Variants in LAMA2 observed in about 807,000 individuals in gnomAD.
The protein encoded by LAMA2 is laminin subunit alpha-2.
LAMA2 carries 269 observed loss-of-function variants against 364.8 expected under a neutral mutation model. The ratio of observed to expected loss-of-function variants is 0.74; its 90% confidence interval spans 0.67 to 0.82. The LOEUF (loss-of-function observed/expected upper bound fraction) is 0.82. LAMA2 is among the 40% of genes least tolerant of loss of function. The probability of loss-of-function intolerance (pLI) is 0.00; values close to 1 mark genes in which losing one functional copy is unlikely to be tolerated. For missense variants in LAMA2, 3,807 were observed against 3,873.2 expected, an observed-to-expected ratio of 0.98 and a Z score of 0.45; for synonymous variants, 1,379 against 1,370.6, an observed-to-expected ratio of 1.01 and a Z score of -0.14.
chr6:129,314,945 C>A, intron 24 of LAMA2, 147 bp downstream of exon 24: 1 of 786,328 alleles, frequency 1.3e-6, no homozygotes, highest in Non-Finnish European at 2.2e-6. Flanking sequence ...AAAGGGGTCA[C>A]GTGCCATTAG....
chr6:129,340,012 A>C (rs909953512), intron 29 of LAMA2, among the ~76,000 whole-genome samples: 2 of 151,604 alleles, frequency 1.3e-5, no homozygotes, highest in Non-Finnish European at 2.9e-5. Flanking sequence ...AAAAAAAAAA[A>C]AGAAAGAAAG....
In LAMA2 at chr6:129,309,902, A is replaced by ATTTTTTTTTTTTTTTTTT. The variant is rs993652081; in HGVS notation, c.3175-2944_3175-2943insTTTTTTTTTTTTTTTTTT. On this transcript the variant is annotated intron_variant, in intron 22 of 64. Transcript: ENST00000421865. ...AGAAATAAAGCTAATCCTGATAATC[A>ATTTTTTTTTTTTTTTTTT]TTTTTTTTTTTTTTTGAGACGGAGT... 5.2e-4 allele frequency among the ~76,000 whole-genome samples: 70 copies of ATTTTTTTTTTTTTTTTTT among 135,750 alleles called. 3 individuals are homozygous for ATTTTTTTTTTTTTTTTTT. Among genetic ancestry groups the ATTTTTTTTTTTTTTTTTT allele is most frequent in the African/African-American group, 2.0e-3 (70 of 35,366 alleles). The allele number at this position is 135,750 out of a possible 152,430, so 89.1% of individuals were successfully genotyped here. A position where few individuals can be genotyped will look rare whatever the true frequency, so the allele number is the denominator to read the frequency against.
rs1465387235 is a variant in LAMA2, at chr6:129,507,348, C to A, written c.8704-141C>A. ...CAGGAGGCCTGGTGGTAACAGAGAACCCAGGCAGCTTTGGGGGATATCCCA... is the reference window on the plus strand; with the variant it reads ...CAGGAGGCCTGGTGGTAACAGAGAAACCAGGCAGCTTTGGGGGATATCCCA... On this transcript the variant is annotated intron_variant, in intron 61 of 64. Coordinates refer to ENST00000421865, the MANE Select transcript of LAMA2 (RefSeq NM_000426.4). The A allele has an allele frequency of 6.0e-6, 5 of 839,754 alleles. No homozygotes were observed. In the African/African-American group the frequency reaches 6.7e-5, roughly 11 times the overall value. The allele number at this position is 839,754 out of a possible 1,614,324, so 52.0% of individuals were successfully genotyped here.
At chr6:129,273,077 A>G (rs1178190758) in intron 17 of LAMA2, among the ~76,000 whole-genome samples, 1 of 152,180 alleles carries the variant, frequency 6.6e-6, no homozygotes, top group Non-Finnish European at 1.5e-5. Flanking sequence ...ATGTTAGAGA[A>G]GAGGAAGAAG....
intron 35 of LAMA2, among the ~76,000 whole-genome samples, chr6:129,389,551 T>C (rs545146794): frequency 2.0e-5 from 3 of 152,318 alleles, no homozygotes; most frequent in Admixed American, 2.0e-4. Context: ...GGCTCTGTAT[T>C]AATCTCTTCT....
intron 53 of LAMA2, among the ~76,000 whole-genome samples, chr6:129,477,000 T>TTA (rs1784098161): frequency 1.3e-5 from 2 of 152,102 alleles, no homozygotes; most frequent in South Asian, 4.1e-4. Flanking sequence ...TTCATTAAGA[T>TTA]AAAAAAAGGA....
At chr6:129,179,280 T>C (rs1474464853) in intron 10 of LAMA2, among the ~76,000 whole-genome samples, 1 of 152,076 alleles carries the variant, frequency 6.6e-6, no homozygotes, top group Non-Finnish European at 1.5e-5. Flanking sequence ...CTTTACCACT[T>C]GCTCAAATAA....
In LAMA2 at chr6:128,922,106, T is replaced by A. The variant is rs1365091656; in HGVS notation, c.112+38749T>A. 4.6e-5 allele frequency among the ~76,000 whole-genome samples: 7 copies of A among 152,220 alleles called. No individual in the cohort carries two copies. The East Asian group carries it at 9.7e-4, about 21-fold the overall frequency. On this transcript the variant is annotated intron_variant, in intron 1 of 64. Coordinates refer to ENST00000421865, the MANE Select transcript of LAMA2 (RefSeq NM_000426.4). Reference sequence around the variant, plus strand: ...CCACATTTTCTTAATCTAGTCTATCTTTGTTGGACATTTGGGTTGGTTCCA... The same window carrying A: ...CCACATTTTCTTAATCTAGTCTATCATTGTTGGACATTTGGGTTGGTTCCA...
At chr6:129,270,489 T>C (rs1787847979) in intron 16 of LAMA2, 135 bp from the exon 17 acceptor site, 3 of 831,512 alleles carry the variant, frequency 3.6e-6, no homozygotes, top group Non-Finnish European at 6.1e-6. Flanking sequence ...TTCTCTGCTG[T>C]AAAATTGACC....
At chr6:129,402,886 A>G (rs1780056934) in intron 39 of LAMA2, among the ~76,000 whole-genome samples, 1 of 152,206 alleles carries the variant, frequency 6.6e-6, no homozygotes, top group Admixed American at 6.5e-5. Context: ...TGTTAAAAGG[A>G]TGGCTTTTGA....
intron 1 of LAMA2, among the ~76,000 whole-genome samples, chr6:128,995,614 G>A (rs1383917490): frequency 1.3e-5 from 2 of 152,072 alleles, no homozygotes; most frequent in African/African-American, 4.8e-5. Flanking sequence ...ATGAACCACC[G>A]CACCTGGCCC....
chr6:129,407,961 G>C (rs1322583408), intron 40 of LAMA2, among the ~76,000 whole-genome samples: 2 of 152,170 alleles, frequency 1.3e-5, no homozygotes, highest in East Asian at 3.8e-4. Flanking sequence ...TTCTTAGCCT[G>C]TTGACTTGGA....
intron 12 of LAMA2, among the ~76,000 whole-genome samples, chr6:129,231,744 A>T (rs1448043977): frequency 2.6e-5 from 4 of 152,018 alleles, no homozygotes; most frequent in Non-Finnish European, 5.9e-5. Context: ...GTGAGCCTGA[A>T]TTTTTTTAAA....
At chr6:129,489,290 T>C (rs1784743605) in intron 56 of LAMA2, among the ~76,000 whole-genome samples, 1 of 152,174 alleles carries the variant, frequency 6.6e-6, no homozygotes, top group African/African-American at 2.4e-5. Flanking sequence ...GGGCCAAGCT[T>C]CTCAAGAAGC....
At chr6:129,430,251 C>T (rs1253969895) in intron 41 of LAMA2, among the ~76,000 whole-genome samples, 2 of 152,150 alleles carry the variant, frequency 1.3e-5, no homozygotes, top group African/African-American at 4.8e-5. Context: ...TTAGTCATTT[C>T]TCTCTCTATG....
At chr6:128,947,556 T>A (rs1291154986) in intron 1 of LAMA2, among the ~76,000 whole-genome samples, 3 of 152,214 alleles carry the variant, frequency 2.0e-5, no homozygotes, top group Admixed American at 1.3e-4. Context: ...AATTCAATCA[T>A]GAGGTTAACA....
chr6:128,986,732 T>A (rs1003153563), intron 1 of LAMA2, among the ~76,000 whole-genome samples: 94 of 151,630 alleles, frequency 6.2e-4, no homozygotes, highest in Middle Eastern at 3.4e-3. Context: ...TACCTTTTTT[T>A]AAAAAAAAAT....
At position 129,456,376 on chromosome 6, in the gene LAMA2, G is replaced by A. The variant is rs936469552; in HGVS notation, c.6749G>A (p.Gly2250Glu). 1 of 1,613,522 alleles carries A rather than the reference G, an allele frequency of 6.2e-7. No homozygotes were observed. Among genetic ancestry groups the A allele is most frequent in the Non-Finnish European group, 8.5e-7 (1 of 1,179,722 alleles). ...NGTISVRALD[G>E]PKASIVPSTH... ...ACTATTTCTGTGAGAGCCCTGGATG[G>A]ACCCAAAGCCAGCATTGTGCCCAGC... The change falls in exon 48 of 65, where the codon GGA (glycine) becomes GAA (glutamate). Residue 2250 changes from glycine (G) to glutamate (E), a missense_variant. Physicochemically the swap from Gly to Glu is moderately conservative, Grantham distance 98. Transcript: ENST00000421865.
chr6:129,254,252 T>C (rs1786474444), intron 14 of LAMA2, among the ~76,000 whole-genome samples: 1 of 152,246 alleles, frequency 6.6e-6, no homozygotes, highest in South Asian at 2.1e-4. Flanking sequence ...TTCCTCCAGT[T>C]AGTTATATGA....
Sources: allele counts gnomAD v4.1 joint callset (sites outside exome capture counted in the v4.1 genomes callset), GRCh38; gene constraint gnomAD v4.1.1; transcripts MANE v1.5; gene names NCBI Gene and HGNC (gene_info 2026-07-23, HGNC 2026-07-21).